ACSS3: variants seen among roughly 807,000 people sequenced by gnomAD.
The protein encoded by ACSS3 is acyl-CoA synthetase short-chain family member 3, mitochondrial.
Under a neutral mutation model 84.2 loss-of-function variants are expected in ACSS3, and 64 were observed. That is an observed-to-expected ratio of 0.76 (90% CI 0.62 to 0.94). The LOEUF is 0.94. Among genes scored for constraint, ACSS3 ranks in the 40% least tolerant of loss-of-function variants. ACSS3 has a pLI of 0.00. For synonymous variants in ACSS3, 317 were observed against 310.1 expected (o/e 1.02, Z -0.23); for missense variants, 815 against 867.6 (o/e 0.94, Z 0.76).
chr12:81,122,194 C>G (rs566267926), intron 2 of ACSS3, among the ~76,000 whole-genome samples: 5 of 152,026 alleles, frequency 3.3e-5, no homozygotes, highest in Admixed American at 2.0e-4. Context: ...GCCTCCCAAA[C>G]TGCTGGGATT....
intron 13 of ACSS3, among the ~76,000 whole-genome samples, chr12:81,239,947 A>T (rs916965223): frequency 4.6e-5 from 7 of 152,070 alleles, no homozygotes; most frequent in African/African-American, 1.7e-4. Context: ...TACAAGGGCT[A>T]GAAGGGAGGA....
intron 7 of ACSS3, among the ~76,000 whole-genome samples, chr12:81,165,681 A>G (rs893970076): frequency 6.6e-6 from 1 of 152,080 alleles, no homozygotes; most frequent in East Asian, 1.9e-4. Context: ...TAAAGTACAG[A>G]AAGCAAACAA....
At chr12:81,240,214 A>G (rs1013858719) in intron 13 of ACSS3, among the ~76,000 whole-genome samples, 18 of 152,026 alleles carry the variant, frequency 1.2e-4, no homozygotes, top group Non-Finnish European at 2.1e-4. Flanking sequence ...TTCTCCTCCC[A>G]ATTCTATCAG....
chr12:81,135,045 T>C lies in ACSS3; in HGVS notation c.645+41T>C, dbSNP rs369083926. ...TGGGAAATCAAGTAGTAGCTATGTA[T>C]AATTTAGTCATATTTATCTGTGGAT... On this transcript the variant is annotated intron_variant, in intron 3 of 15. Transcript: ENST00000548058. The C allele has an allele frequency of 2.4e-4, 354 of 1,487,518 alleles. 1 individual carries two copies. Among genetic ancestry groups the C allele is most frequent in the South Asian group, 6.8e-4 (49 of 71,666 alleles). The allele number at this position is 1,487,518 out of a possible 1,614,324, so 92.1% of individuals were successfully genotyped here. A position where few individuals can be genotyped will look rare whatever the true frequency, so the allele number is the denominator to read the frequency against.
At chr12:81,183,211 T>C (rs2135849087) in intron 8 of ACSS3, among the ~76,000 whole-genome samples, 1 of 152,346 alleles carries the variant, frequency 6.6e-6, no homozygotes, top group East Asian at 1.9e-4. Flanking sequence ...CTTTGTTTTG[T>C]GATTTTGGTT....
At chr12:81,139,071 T>A (rs1885952061) in intron 3 of ACSS3, 60 bp from the exon 4 acceptor site, 1 of 1,535,160 alleles carries the variant, frequency 6.5e-7, no homozygotes, top group African/African-American at 1.4e-5. Flanking sequence ...AACTAAAATA[T>A]TGTGATTACC....
rs755672238 is a variant in ACSS3 at position 81,139,175 on chromosome 12, G to A, written c.690G>A (p.Arg230=). The change falls in exon 4 of 16, where the codon AGG becomes AGA. Residue 230 remains arginine, a synonymous_variant. Coordinates refer to ENST00000548058, the MANE Select transcript of ACSS3 (RefSeq NM_024560.4). ...CATCATTTGGCATTGAACCTGGAAG[G>A]AGGGTAGAGTACGTACCACTTGTAG... is the stretch of plus-strand genomic sequence containing the variant. The part of the protein sequence containing the change: ...VTASFGIEPG[R]RVEYVPLVEE... 2.5e-6 allele frequency: 4 copies of A among 1,613,644 alleles called. No homozygotes were observed. In the African/African-American group the frequency reaches 5.3e-5, roughly 22 times the overall value.
At chr12:81,103,041 G>A (rs10746179) in intron 1 of ACSS3, among the ~76,000 whole-genome samples, 151,168 of 152,326 alleles carry the variant, frequency 0.99, 75,020 homozygotes, top group Middle Eastern at 1. Context: ...TTTGTCTGCA[G>A]GAAACATCAT....
intron 2 of ACSS3, among the ~76,000 whole-genome samples, chr12:81,131,362 C>T (rs920843773): frequency 2.0e-5 from 3 of 152,058 alleles, no homozygotes; most frequent in African/African-American, 7.2e-5. Context: ...AAGTTGGATT[C>T]CTAGGTATTT....
intron 5 of ACSS3, among the ~76,000 whole-genome samples, chr12:81,145,786 C>T (rs1208327241): frequency 6.6e-6 from 1 of 152,046 alleles, no homozygotes; most frequent in Non-Finnish European, 1.5e-5. Context: ...ATGAAGATGC[C>T]CAGTCAAGAG....
At chr12:81,115,394 A>C (rs1883954555) in intron 2 of ACSS3, among the ~76,000 whole-genome samples, 1 of 152,026 alleles carries the variant, frequency 6.6e-6, no homozygotes, top group Non-Finnish European at 1.5e-5. Context: ...ATTGTGATTT[A>C]ATTTTTTTTT....
intron 1 of ACSS3, among the ~76,000 whole-genome samples, chr12:81,100,620 C>G (rs1882432713): frequency 6.6e-6 from 1 of 152,182 alleles, no homozygotes; most frequent in Non-Finnish European, 1.5e-5. Flanking sequence ...TCAGAATAGC[C>G]TAGGCTATGC....
intron 2 of ACSS3, among the ~76,000 whole-genome samples, chr12:81,109,959 G>T (rs1320175108): frequency 2.0e-5 from 3 of 152,088 alleles, no homozygotes; most frequent in Non-Finnish European, 2.9e-5. Flanking sequence ...GAGAATATGT[G>T]TCACTCTTCC....
intron 5 of ACSS3, among the ~76,000 whole-genome samples, chr12:81,148,686 C>A (rs539717510): frequency 6.6e-6 from 1 of 152,070 alleles, no homozygotes; most frequent in South Asian, 2.1e-4. Flanking sequence ...AAGATCGGAA[C>A]AGCATATTGG....
chr12:81,119,721 C>T (rs1304386016), intron 2 of ACSS3, among the ~76,000 whole-genome samples: 3 of 152,134 alleles, frequency 2.0e-5, no homozygotes, highest in Non-Finnish European at 2.9e-5. Context: ...TTATGGTTGT[C>T]TTCCTTGTTC....
chr12:81,127,586 ATC>A lies in ACSS3; in HGVS notation c.457-7228_457-7227del, dbSNP rs144041659. Among the ~76,000 whole-genome samples the A allele has an allele frequency of 3.9e-5, 6 of 152,286 alleles. No individual in the cohort carries two copies. In the East Asian group the frequency reaches 9.6e-4, roughly 24 times the overall value. ...AATTCATTTATCCATACTTTTAGTA[ATC>A]TGTTTCCTCAGATATTATAATTGGT... is the stretch of plus-strand genomic sequence containing the variant. On this transcript the variant is annotated intron_variant, in intron 2 of 15. Transcript: ENST00000548058.
chr12:81,109,312 G>T (rs4562891), intron 1 of ACSS3, among the ~76,000 whole-genome samples: 47,893 of 151,906 alleles, frequency 0.32, 7,793 homozygotes, highest in Admixed American at 0.44. Context: ...CCACAAAGTC[G>T]CCAGCTGGAA....
chr12:81,136,023 G>C (rs983550998), intron 3 of ACSS3, among the ~76,000 whole-genome samples: 8 of 152,066 alleles, frequency 5.3e-5, no homozygotes, highest in African/African-American at 1.7e-4. Flanking sequence ...TCCTGACACT[G>C]TCTTTGCAAC....
In ACSS3 at chr12:81,199,415, T is replaced by C. The variant is rs1372077336; in HGVS notation, c.1325T>C (p.Val442Ala). The change falls in exon 9 of 16, where the codon GTA becomes GCA. Residue 442 changes from valine (V) to alanine (A), a missense_variant. Val to Ala is a moderately conservative substitution (Grantham distance 64). Transcript: ENST00000548058. The stretch of plus-strand genomic sequence containing the variant: ...GAATGGTCCAAAAATGTCTTCAGAG[T>C]ACCTGTCTTAGACCATTGGTGGCAA... ...TLEWSKNVFR[V>A]PVLDHWWQTE... 1 of 1,613,660 alleles carries C rather than the reference T, an allele frequency of 6.2e-7. No individual in the cohort carries two copies. The highest frequency in any genetic ancestry group is 8.5e-7 in the Non-Finnish European group (1 of 1,179,692).
Sources: allele counts gnomAD v4.1 joint callset (sites outside exome capture counted in the v4.1 genomes callset), GRCh38; gene constraint gnomAD v4.1.1; transcripts MANE v1.5; gene names NCBI Gene and HGNC (gene_info 2026-07-23, HGNC 2026-07-21).